PXK: variants seen among roughly 807,000 people sequenced by gnomAD.
PXK encodes the protein PX domain-containing protein kinase-like protein.
In PXK, 35 loss-of-function variants were observed where a neutral mutation model predicts 84.7. The ratio of observed to expected loss-of-function variants is 0.41; its 90% CI spans 0.32 to 0.55. The LOEUF is 0.55. Among genes scored for constraint, PXK ranks in the 20% least tolerant of loss-of-function variants. The pLI is 0.21. For missense variants in PXK, 634 were observed against 699.7 expected, an observed-to-expected ratio of 0.91 and a Z score of 1.06; for synonymous variants, 253 against 260.8, an observed-to-expected ratio of 0.97 and a Z score of 0.29.
At chr3:58,410,035 G>A (rs1367709005) in intron 15 of PXK, 55 bp from the exon 16 acceptor site, 1 of 1,123,674 alleles carries the variant, frequency 8.9e-7, no homozygotes, top group Non-Finnish European at 1.4e-6. Context: ...CAGCTTCACT[G>A]TGTTTATTCT....
At chr3:58,387,370 G>C (rs1012022710) in intron 4 of PXK, among the ~76,000 whole-genome samples, 15 of 152,208 alleles carry the variant, frequency 9.9e-5, no homozygotes, top group Admixed American at 2.6e-4. Context: ...TGCTTCATCA[G>C]ATATTTATTG....
chr3:58,409,468 GAGA>G lies in PXK; in HGVS notation c.1309-60_1309-58del. On this transcript the variant is annotated intron_variant, in intron 14 of 17. Transcript: ENST00000356151. The surrounding 1 kb of genome is among the most constrained non-coding windows in gnomAD (Gnocchi z 4.2). ...AAATGTGGTTTGCCAAAACATGTTG[GAGA>G]AGATTTTCATTAGGAAGCTGCCTTA... 6.9e-7 allele frequency: 1 copy of G among 1,441,060 alleles called. No homozygotes were observed. Among genetic ancestry groups the G allele is most frequent in the Non-Finnish European group, 9.6e-7 (1 of 1,037,814 alleles). The allele number at this position is 1,441,060 out of a possible 1,614,324, so 89.3% of individuals were successfully genotyped here.
intron 12 of PXK, among the ~76,000 whole-genome samples, chr3:58,402,767 T>G (rs2058784557): frequency 6.6e-6 from 1 of 151,490 alleles, no homozygotes; most frequent in South Asian, 2.1e-4. Context: ...TTTTTTTTTT[T>G]TTTTTGGTCA....
Position 58,425,129 on chromosome 3 carries a change from G to A in PXK, c.*169G>A. On this transcript the variant is annotated 3_prime_UTR_variant, in exon 18 of 18. Coordinates refer to ENST00000356151, the MANE Select transcript of PXK (RefSeq NM_017771.5). ...CTTTTCGAGAGAAATAATTCTTTAA[G>A]CAGAATAAAGTTAGGCTGGCATTGC... is the stretch of plus-strand genomic sequence containing the variant. 1 of 1,060,390 alleles carries A rather than the reference G, an allele frequency of 9.4e-7. No homozygotes were observed. The highest frequency in any genetic ancestry group is 1.7e-5 in the South Asian group (1 of 58,700). 65.7% of individuals were successfully genotyped at this position (1,060,390 alleles called of 1,614,324 possible). A position where few individuals can be genotyped will look rare whatever the true frequency, so the allele number is the denominator to read the frequency against.
chr3:58,409,542 A>G lies in PXK; in HGVS notation c.1319A>G (p.His440Arg), dbSNP rs2059879989. ...TATGGTCTTTTAAAGATTCACCAGCATCGAAGACTGACAAGAGCTCAGTCC... is the reference window on the plus strand; with the variant it reads ...TATGGTCTTTTAAAGATTCACCAGCGTCGAAGACTGACAAGAGCTCAGTCC... ...LIEEQKQIHQ[H>R]RRLTRAQSHH... The change falls in exon 15 of 18, where the codon CAT (histidine) becomes CGT (arginine). Residue 440 changes from histidine to arginine, a missense_variant. His to Arg is a conservative substitution (Grantham distance 29). This residue lies in a region of PXK where 273 missense variants were observed against 283.6 expected (regional missense o/e 0.96). Transcript: ENST00000356151. This position sits in a 1 kb window ranked among gnomAD's most constrained non-coding sequence, Gnocchi z 4.2. 2 of 1,613,366 alleles carry G rather than the reference A, an allele frequency of 1.2e-6. No individual in the cohort carries two copies. Among genetic ancestry groups the G allele is most frequent in the Non-Finnish European group, 1.7e-6 (2 of 1,179,718 alleles).
intron 1 of PXK, among the ~76,000 whole-genome samples, chr3:58,360,139 A>C (rs1225347336): frequency 1.3e-5 from 2 of 152,180 alleles, no homozygotes; most frequent in Non-Finnish European, 2.9e-5. Context: ...ATCTTTAAAA[A>C]AAAATAGAGG....
intron 3 of PXK, among the ~76,000 whole-genome samples, chr3:58,375,683 A>AAC (rs2098436159): frequency 2.6e-5 from 4 of 152,230 alleles, no homozygotes; most frequent in African/African-American, 9.6e-5. Flanking sequence ...TGTACAGGTT[A>AAC]GGTGAACCAG....
chr3:58,340,533 C>A (rs905614787), intron 1 of PXK, among the ~76,000 whole-genome samples: 1 of 151,706 alleles, frequency 6.6e-6, no homozygotes, highest in Non-Finnish European at 1.5e-5. Context: ...TTGTGACCAG[C>A]CTGACCAACA....
At chr3:58,369,322 G>A (rs1412332029) in intron 2 of PXK, 109 bp from the exon 3 acceptor site, 3 of 793,694 alleles carry the variant, frequency 3.8e-6, no homozygotes, top group South Asian at 1.8e-5. Context: ...CTTAGCACAA[G>A]TGCCTGAGCT....
intron 1 of PXK, among the ~76,000 whole-genome samples, chr3:58,335,717 C>G (rs192489879): frequency 9.9e-5 from 15 of 151,972 alleles, no homozygotes; most frequent in Non-Finnish European, 1.8e-4. Context: ...GAGGCAAGAC[C>G]TTAATACAGG....
intron 13 of PXK, among the ~76,000 whole-genome samples, chr3:58,405,875 T>A (rs985928236): frequency 6.6e-6 from 1 of 152,204 alleles, no homozygotes; most frequent in African/African-American, 2.4e-5. Context: ...CTTACAAAAT[T>A]CAGAACATAA....
intron 3 of PXK, among the ~76,000 whole-genome samples, chr3:58,376,274 G>A (rs1331982569): frequency 6.6e-6 from 1 of 152,080 alleles, no homozygotes; most frequent in African/African-American, 2.4e-5. Flanking sequence ...AATTAGCCAG[G>A]CGTGGTGGCA....
chr3:58,414,730 C>T lies in PXK; in HGVS notation c.1528+1767C>T, dbSNP rs947157290. On this transcript the variant is annotated intron_variant, in intron 17 of 17. Coordinates refer to ENST00000356151, the MANE Select transcript of PXK (RefSeq NM_017771.5). The surrounding 1 kb of genome is among the most constrained non-coding windows in gnomAD (Gnocchi z 4.5). ...GGTTCCCAGCAAATATTGGCTCCTCCTTTCTTTTATCTCCTTAATGTTTTG... is the reference window on the plus strand; with the variant it reads ...GGTTCCCAGCAAATATTGGCTCCTCTTTTCTTTTATCTCCTTAATGTTTTG... 6.6e-6 allele frequency among the ~76,000 whole-genome samples: 1 copy of T among 152,120 alleles called. No individual in the cohort carries two copies. Among genetic ancestry groups the T allele is most frequent in the Non-Finnish European group, 1.5e-5 (1 of 68,030 alleles).
chr3:58,396,049 A>G (rs1041375784), intron 9 of PXK, among the ~76,000 whole-genome samples: 1 of 152,146 alleles, frequency 6.6e-6, no homozygotes, highest in Non-Finnish European at 1.5e-5. Context: ...CTTTATCCCC[A>G]TGCCAAGGTT....
At chr3:58,422,093 C>CG (rs770992582) in intron 17 of PXK, 19 of 985,250 alleles carry the variant, frequency 1.9e-5, no homozygotes, top group Non-Finnish European at 2.2e-5. Context: ...CCCTCTTCCT[C>CG]CATTGTTAGC....
Position 58,333,300 on chromosome 3 carries a change from A to G in PXK, c.102+210A>G. ...ACGCTGAGGCCCGGAGGGGCCAAGG[A>G]TGGGGACCGCAGCTCCCGGCGCCGC... On this transcript the variant is annotated intron_variant, in intron 1 of 17. Transcript: ENST00000356151. This position sits in a 1 kb window ranked among gnomAD's most constrained non-coding sequence, Gnocchi z 5.4. 1 of 301,950 alleles carries G rather than the reference A, an allele frequency of 3.3e-6. No individual in the cohort carries two copies. Among genetic ancestry groups the G allele is most frequent in the Admixed American group, 4.2e-5 (1 of 24,052 alleles). 18.7% of individuals were successfully genotyped at this position (301,950 alleles called of 1,614,324 possible). A position where few individuals can be genotyped will look rare whatever the true frequency, so the allele number is the denominator to read the frequency against.
At chr3:58,360,385 G>A (rs555966076) in intron 1 of PXK, among the ~76,000 whole-genome samples, 2 of 152,152 alleles carry the variant, frequency 1.3e-5, no homozygotes, top group Non-Finnish European at 2.9e-5. Flanking sequence ...TAGTTACCAG[G>A]TTAACGTCTC....
In PXK at chr3:58,383,771, A is replaced by G. The variant is rs2098527166; in HGVS notation, c.388+1071A>G. Reference sequence around the variant, plus strand: ...TTTGTTTAAAGAGAAACCATGCTTTAGAGACTTTCTAAGTGGAACTATGGA... The same window carrying G: ...TTTGTTTAAAGAGAAACCATGCTTTGGAGACTTTCTAAGTGGAACTATGGA... On this transcript the variant is annotated intron_variant, in intron 4 of 17. Coordinates refer to ENST00000356151, the MANE Select transcript of PXK (RefSeq NM_017771.5). The surrounding 1 kb of genome is among the most constrained non-coding windows in gnomAD (Gnocchi z 4.0). 6.6e-6 allele frequency among the ~76,000 whole-genome samples: 1 copy of G among 152,246 alleles called. No individual in the cohort carries two copies. Among genetic ancestry groups the G allele is most frequent in the Non-Finnish European group, 1.5e-5 (1 of 68,036 alleles).
rs1363158507 is a variant in PXK at position 58,390,585 on chromosome 3, T to A, written c.392T>A (p.Ile131Asn). Residue 131 changes from isoleucine to asparagine, a missense_variant, in exon 5 of 18, where the codon ATT (isoleucine) becomes AAT (asparagine). Around this residue, in one of 3 missense-constraint regions of PXK, gnomAD observed 353 missense variants for 385.2 expected, o/e 0.92. Coordinates refer to ENST00000356151, the MANE Select transcript of PXK (RefSeq NM_017771.5). This position sits in a 1 kb window ranked among gnomAD's most constrained non-coding sequence, Gnocchi z 4.2. ...GGTTTCTAAAATGTCTTTGCAGAGA[T>A]TGCCTTGCAACAGGTTTCCATGTTC... Reference protein sequence around the residue: ...PNNYSANYTEIALQQVSMFFR... With the variant: ...PNNYSANYTENALQQVSMFFR... 1 of 1,612,718 alleles carries A rather than the reference T, an allele frequency of 6.2e-7. No individual in the cohort carries two copies. Among genetic ancestry groups the A allele is most frequent in the Non-Finnish European group, 8.5e-7 (1 of 1,179,160 alleles).
Sources: allele counts gnomAD v4.1 joint callset (sites outside exome capture counted in the v4.1 genomes callset), GRCh38; gene constraint gnomAD v4.1.1; regional missense constraint gnomAD v4.1.1; non-coding constraint Gnocchi (gnomAD v3.1); transcripts MANE v1.5; gene names NCBI Gene and HGNC (gene_info 2026-07-23, HGNC 2026-07-21).